Variants in ELF1 observed in about 807,000 individuals in gnomAD.
ELF1 encodes E74 like ETS transcription factor 1, also known as ETS-related transcription factor Elf-1.
Under a neutral mutation model 59.9 loss-of-function variants are expected in ELF1, and 24 were observed. That is an observed-to-expected ratio of 0.40 (90% CI 0.29 to 0.56). The LOEUF is 0.56. Ranked by LOEUF, ELF1 falls within the 20% of genes least tolerant of loss-of-function variation. ELF1 has a pLI of 0.44. For missense variants in ELF1, 627 were observed against 742.2 expected (o/e 0.84, Z 1.80); for synonymous variants, 248 against 266.2 (o/e 0.93, Z 0.67).
intron 2 of ELF1, among the ~76,000 whole-genome samples, chr13:40,973,998 A>G (rs1485921154): frequency 6.6e-6 from 1 of 152,204 alleles, no homozygotes. Flanking sequence ...GTAGATTAGT[A>G]GTTCCCAGGA....
At chr13:40,952,528 A>G (rs2138165673) in intron 3 of ELF1, among the ~76,000 whole-genome samples, 1 of 152,054 alleles carries the variant, frequency 6.6e-6, no homozygotes, top group East Asian at 1.9e-4. Flanking sequence ...TGCCCAGCTA[A>G]TTTTTAAAAT....
intron 1 of ELF1, chr13:41,060,743 A>G (rs560700729): frequency 1.2e-5 from 2 of 168,652 alleles, no homozygotes; most frequent in Non-Finnish European, 2.7e-5. Context: ...AAGCGTTCCC[A>G]TACCGGGAGT....
chr13:41,043,474 T>A (rs567583291), intron 1 of ELF1, among the ~76,000 whole-genome samples: 38 of 152,340 alleles, frequency 2.5e-4, no homozygotes, highest in South Asian at 8.3e-4. Flanking sequence ...CTTTAATTAA[T>A]TTTTTGTAAG....
At chr13:41,006,373 C>T (rs1051767306) in intron 1 of ELF1, among the ~76,000 whole-genome samples, 1 of 152,100 alleles carries the variant, frequency 6.6e-6, no homozygotes, top group African/African-American at 2.4e-5. Context: ...AAGAACATCA[C>T]CCATTTCCTT....
intron 1 of ELF1, among the ~76,000 whole-genome samples, chr13:41,012,403 T>C (rs901765909): frequency 2.6e-5 from 4 of 150,992 alleles, no homozygotes; most frequent in African/African-American, 7.3e-5. Flanking sequence ...TATTTTACCA[T>C]AGTTTGTTTG....
chr13:40,961,077 G>T (rs1457578675), intron 2 of ELF1, among the ~76,000 whole-genome samples: 3 of 152,002 alleles, frequency 2.0e-5, no homozygotes, highest in African/African-American at 4.8e-5. Context: ...ATTATTTATG[G>T]TTTCATTGCA....
chr13:40,960,119 T>C (rs932597834), intron 2 of ELF1, among the ~76,000 whole-genome samples: 2 of 152,214 alleles, frequency 1.3e-5, no homozygotes, highest in Non-Finnish European at 2.9e-5. Context: ...TTAATCCTAC[T>C]TTGTGTTAAT....
intron 1 of ELF1, among the ~76,000 whole-genome samples, chr13:40,982,579 A>G (rs1288135782): frequency 6.6e-6 from 1 of 151,476 alleles, no homozygotes; most frequent in Non-Finnish European, 1.5e-5. Flanking sequence ...AAAAAACCCC[A>G]GCAATAATGA....
At chr13:40,992,815 G>A in intron 1 of ELF1, 1 of 491,774 alleles carries the variant, frequency 2.0e-6, no homozygotes, top group Non-Finnish European at 3.7e-6. Context: ...GTGAGGATTA[G>A]GAGCCAACAA....
chr13:40,951,441 A>C lies in ELF1; in HGVS notation c.254-5T>G. 1.2e-6 allele frequency: 2 copies of C among 1,611,806 alleles called. No homozygotes were observed. Among genetic ancestry groups the C allele is most frequent in the South Asian group, 2.2e-5 (2 of 90,944 alleles). On this transcript the variant is annotated splice_polypyrimidine_tract_variant and splice_region_variant and intron_variant, in intron 3 of 8. Coordinates refer to ENST00000239882, the MANE Select transcript of ELF1 (RefSeq NM_172373.4). The stretch of plus-strand genomic sequence containing the variant: ...CGTCATGACAAGAAGCTTCAACTGC[A>C]ACACATTTAAAGAGAAAATTAAATT...
At chr13:40,982,532 G>A (rs1404787555) in intron 1 of ELF1, among the ~76,000 whole-genome samples, 1 of 145,576 alleles carries the variant, frequency 6.9e-6, no homozygotes, top group Non-Finnish European at 1.5e-5. Context: ...TTAAACTACT[G>A]TTAAAAGTAC....
chr13:40,941,685 T>C (rs1870182354), intron 7 of ELF1, among the ~76,000 whole-genome samples: 1 of 152,138 alleles, frequency 6.6e-6, no homozygotes, highest in Non-Finnish European at 1.5e-5. Context: ...GGAGACAGAG[T>C]CTTGCTCTGT....
chr13:41,012,274 C>T (rs9566659), intron 1 of ELF1, among the ~76,000 whole-genome samples: 3,727 of 137,996 alleles, frequency 0.027, 105 homozygotes, highest in African/African-American at 0.076. Context: ...GATTGTGCCA[C>T]TCCACTCCAG....
chr13:40,974,814 G>T (rs1872802236), intron 2 of ELF1, among the ~76,000 whole-genome samples: 1 of 152,104 alleles, frequency 6.6e-6, no homozygotes, highest in Admixed American at 6.6e-5. Flanking sequence ...CCAAGAATGG[G>T]CAAAGAGATA....
chr13:40,993,140 C>A, intron 1 of ELF1: 1 of 1,547,552 alleles, frequency 6.5e-7, no homozygotes, highest in Non-Finnish European at 8.9e-7. Flanking sequence ...CCTCTAGGAC[C>A]TGGATACTCT....
chr13:41,039,887 C>T (rs1450709191), intron 1 of ELF1, among the ~76,000 whole-genome samples: 1 of 152,044 alleles, frequency 6.6e-6, no homozygotes, highest in African/African-American at 2.4e-5. Context: ...GAAAAACAGG[C>T]ATAAGGCATG....
intron 1 of ELF1, among the ~76,000 whole-genome samples, chr13:41,035,513 A>G (rs1308191221): frequency 6.6e-6 from 1 of 151,990 alleles, no homozygotes; most frequent in African/African-American, 2.4e-5. Flanking sequence ...CACTTTCCTG[A>G]CTTAATCTAA....
intron 1 of ELF1, among the ~76,000 whole-genome samples, chr13:41,057,936 T>C (rs1266460809): frequency 6.6e-6 from 1 of 152,232 alleles, no homozygotes; most frequent in African/African-American, 2.4e-5. Flanking sequence ...GACAGATTAT[T>C]CTCACACTTT....
At chr13:40,979,086 A>G (rs925038602) in intron 2 of ELF1, among the ~76,000 whole-genome samples, 3 of 151,866 alleles carry the variant, frequency 2.0e-5, no homozygotes, top group Non-Finnish European at 4.4e-5. Context: ...CACGTAACAC[A>G]GACTTGTCCA....
Sources: gnomAD v4.1 joint callset for allele counts (sites outside exome capture counted in the v4.1 genomes callset) on GRCh38, gnomAD v4.1.1 for gene constraint, MANE v1.5 for transcripts, NCBI Gene and HGNC (gene_info 2026-07-23, HGNC 2026-07-21) for gene names.